The following AK8 variants were observed in gnomAD, a reference collection of about 807,000 sequenced individuals.
AK8 encodes adenylate kinase 8, also known as ATP-AMP transphosphorylase 8.
Under a neutral mutation model 54.6 loss-of-function variants are expected in AK8, and 44 were observed. That is an observed-to-expected ratio of 0.81 (90% CI 0.63 to 1.04). The LOEUF (loss-of-function observed/expected upper bound fraction) is 1.04. Ranked by LOEUF, AK8 falls within the 50% of genes least tolerant of loss-of-function variation. The pLI is 0.00. For synonymous variants in AK8, 239 were observed against 245.6 expected, an observed-to-expected ratio of 0.97 and a Z score of 0.25; for missense variants, 555 against 613.6, an observed-to-expected ratio of 0.90 and a Z score of 1.01.
intron 11 of AK8, among the ~76,000 whole-genome samples, chr9:132,783,921 C>T (rs1839582833): frequency 6.6e-6 from 1 of 152,110 alleles, no homozygotes; most frequent in Admixed American, 6.6e-5. Context: ...AGGTAAAAGC[C>T]ACCAGCAGAA....
At chr9:132,795,069 T>C (rs1049245544) in intron 10 of AK8, among the ~76,000 whole-genome samples, 4 of 152,168 alleles carry the variant, frequency 2.6e-5, no homozygotes, top group African/African-American at 9.7e-5. Flanking sequence ...CAAAGACTGT[T>C]GGCACCTGGG....
intron 2 of AK8, among the ~76,000 whole-genome samples, chr9:132,873,733 G>A (rs55955954): frequency 2.6e-5 from 4 of 152,148 alleles, no homozygotes; most frequent in Non-Finnish European, 5.9e-5. Context: ...GCCTCAGGGT[G>A]GGGGCAGGGG....
chr9:132,793,441 C>G (rs1411533646), intron 10 of AK8, among the ~76,000 whole-genome samples: 1 of 152,184 alleles, frequency 6.6e-6, no homozygotes, highest in African/African-American at 2.4e-5. Context: ...CCAGCTCCAG[C>G]TGCAGTTTCA....
At position 132,813,495 on chromosome 9, in the gene AK8, T is replaced by C. The variant is rs1307703113; in HGVS notation, c.979+1143A>G. On this transcript the variant is annotated intron_variant, in intron 10 of 12. Transcript: ENST00000298545. ...TGCTCACTATAATGGCAGCTGCTTC[T>C]GGAATTCATTTTCTTCACAATAAGC... 2.0e-5 allele frequency among the ~76,000 whole-genome samples: 3 copies of C among 152,360 alleles called. No homozygotes were observed. In the East Asian group the frequency reaches 5.8e-4, roughly 29 times the overall value.
chr9:132,847,571 G>C (rs1335868456), intron 5 of AK8, among the ~76,000 whole-genome samples: 1 of 152,184 alleles, frequency 6.6e-6, no homozygotes, highest in Non-Finnish European at 1.5e-5. Flanking sequence ...CCTGCTGAGG[G>C]GGTCCAGTCC....
intron 9 of AK8, among the ~76,000 whole-genome samples, chr9:132,822,413 T>C (rs1841685089): frequency 1.3e-5 from 2 of 151,488 alleles, no homozygotes; most frequent in African/African-American, 4.9e-5. Context: ...ATTCCCTCTC[T>C]ATATTCATAT....
chr9:132,744,145 C>T (rs987251267), intron 11 of AK8, among the ~76,000 whole-genome samples: 6 of 152,174 alleles, frequency 3.9e-5, no homozygotes, highest in African/African-American at 1.4e-4. Flanking sequence ...CTCACACCCT[C>T]CAGTGTGCCT....
chr9:132,847,007 A>G (rs1227011677), intron 5 of AK8, among the ~76,000 whole-genome samples: 2 of 152,312 alleles, frequency 1.3e-5, no homozygotes, highest in East Asian at 1.9e-4. Flanking sequence ...AGAGAGCTGG[A>G]GCAGAGGCTC....
At chr9:132,730,073 G>A (rs1232852114) in intron 11 of AK8, among the ~76,000 whole-genome samples, 1 of 152,154 alleles carries the variant, frequency 6.6e-6, no homozygotes, top group Non-Finnish European at 1.5e-5. Flanking sequence ...CCTTGTTATT[G>A]TCTTGGAAAC....
chr9:132,821,354 CG>C (rs1471444265), intron 9 of AK8, among the ~76,000 whole-genome samples: 2 of 152,062 alleles, frequency 1.3e-5, no homozygotes, highest in Non-Finnish European at 2.9e-5. Flanking sequence ...TGCTGGTCAT[CG>C]GAACAAAGAA....
intron 2 of AK8, 96 bp from the exon 3 acceptor site, chr9:132,867,049 A>G: frequency 8.0e-7 from 1 of 1,243,294 alleles, no homozygotes. Context: ...CCCTCCCTAG[A>G]TTTCATTTTC....
intron 11 of AK8, among the ~76,000 whole-genome samples, chr9:132,759,850 A>G (rs1327197323): frequency 1.3e-5 from 2 of 152,250 alleles, no homozygotes; most frequent in Non-Finnish European, 2.9e-5. Context: ...TGAGAGGGCA[A>G]GTCCTCCCAC....
At chr9:132,850,649 C>T (rs572564194) in intron 5 of AK8, among the ~76,000 whole-genome samples, 43 of 152,168 alleles carry the variant, frequency 2.8e-4, no homozygotes, top group African/African-American at 9.6e-4. Context: ...CCGCCCGCCT[C>T]GCCTTCCCAA....
intron 11 of AK8, among the ~76,000 whole-genome samples, chr9:132,774,778 C>T (rs373605967): frequency 2.4e-4 from 36 of 152,256 alleles, no homozygotes; most frequent in African/African-American, 7.7e-4. Context: ...ATTGTCCACC[C>T]GAGGCATGGA....
At chr9:132,822,900 G>A (rs1315091074) in intron 9 of AK8, among the ~76,000 whole-genome samples, 1 of 152,102 alleles carries the variant, frequency 6.6e-6, no homozygotes, top group Non-Finnish European at 1.5e-5. Context: ...CACCCCTGGT[G>A]TACAGCACAG....
chr9:132,846,520 A>C (rs148062884), intron 5 of AK8, among the ~76,000 whole-genome samples: 6 of 55,628 alleles, frequency 1.1e-4, no homozygotes, highest in Non-Finnish European at 2.4e-4. Context: ...TGAATGAATG[A>C]ATGAATGAAT....
intron 9 of AK8, among the ~76,000 whole-genome samples, chr9:132,817,324 A>G (rs571582693): frequency 6.6e-6 from 1 of 152,362 alleles, no homozygotes; most frequent in African/African-American, 2.4e-5. Context: ...AATGTCTAGC[A>G]TTTAATCAAA....
intron 11 of AK8, among the ~76,000 whole-genome samples, chr9:132,760,033 T>C (rs985304465): frequency 5.3e-5 from 8 of 152,196 alleles, no homozygotes; most frequent in Non-Finnish European, 7.3e-5. Context: ...ATCTTTATAA[T>C]ATTAGCGTCC....
intron 5 of AK8, among the ~76,000 whole-genome samples, chr9:132,830,742 T>C (rs1005684987): frequency 3.3e-5 from 5 of 152,236 alleles, no homozygotes; most frequent in African/African-American, 1.2e-4. Flanking sequence ...TGCAGCCTTT[T>C]CATTTTGTGT....
Sources: allele counts gnomAD v4.1 joint callset (sites outside exome capture counted in the v4.1 genomes callset), GRCh38; gene constraint gnomAD v4.1.1; transcripts MANE v1.5; gene names NCBI Gene and HGNC (gene_info 2026-07-23, HGNC 2026-07-21).